Variants in GSTM3 observed in about 807,000 individuals in gnomAD.
GSTM3 encodes glutathione S-transferase mu 3, also known as GST class-mu 3.
Under a neutral mutation model 36.1 loss-of-function variants are expected in GSTM3, and 34 were observed. That is an observed-to-expected ratio of 0.94 (90% confidence interval 0.72 to 1.25). The LOEUF (loss-of-function observed/expected upper bound fraction) is 1.25, where lower values mean the gene tolerates loss of function less well. Among genes scored for constraint, GSTM3 ranks in the 50% most tolerant of loss-of-function variants. The pLI is 0.00. For missense variants in GSTM3, 266 were observed against 281.6 expected (o/e 0.94, Z 0.40); for synonymous variants, 102 against 99.5 (o/e 1.03, Z -0.15).
rs1476354080 is a variant in GSTM3 at position 109,735,056 on chromosome 1, C to A, written c.*2015G>T. 1 of 152,246 alleles carries A rather than the reference C, an allele frequency of 6.6e-6. No individual in the cohort carries two copies. The highest frequency in any genetic ancestry group is 2.1e-4 in the South Asian group (1 of 4,836). The allele number at this position is 152,246 out of a possible 1,614,324, so 9.4% of individuals were successfully genotyped here. ...TCTTAGTTAGAAAAGCAAGTCTTAG[C>A]CTTAACTTGGAAATGCCCTTTAACT... On this transcript the variant is annotated 3_prime_UTR_variant, in exon 9 of 9. Transcript: ENST00000361066.
At chr1:109,739,376 G>A (rs1649300656) in intron 4 of GSTM3, 53 bp downstream of exon 4, 5 of 1,228,694 alleles carry the variant, frequency 4.1e-6, no homozygotes, top group African/African-American at 3.0e-5. Flanking sequence ...GGCAAGGATG[G>A]ATATACTTGA....
At position 109,737,506 on chromosome 1, in the gene GSTM3, T is replaced by C; in HGVS notation, c.530A>G (p.Lys177Arg). The C allele has an allele frequency of 6.2e-7, 1 of 1,613,742 alleles. No individual in the cohort carries two copies. The highest frequency in any genetic ancestry group is 8.5e-7 in the Non-Finnish European group (1 of 1,179,768). ...ILDQNRIFDP[K>R]CLDEFPNLKA... ...CAGGTTTGGGAACTCATCCAGGCAC[T>C]TGGGGTCAAATATACGGTTCTGATC... Residue 177 changes from lysine to arginine, a missense_variant, in exon 8 of 9, where the codon AAG becomes AGG. Physicochemically the swap from Lys to Arg is conservative, Grantham distance 26. Coordinates refer to ENST00000361066, the MANE Select transcript of GSTM3 (RefSeq NM_000849.5).
In GSTM3 at chr1:109,735,770, GTA is replaced by G. The variant is rs1649183631; in HGVS notation, c.*1299_*1300del. ...CAATTCTCCTGCCTCAGCCTCCTGA[GTA>G]GCTGGGACTATAGGCACATGCCACC... On this transcript the variant is annotated 3_prime_UTR_variant, in exon 9 of 9. Coordinates refer to ENST00000361066, the MANE Select transcript of GSTM3 (RefSeq NM_000849.5). The G allele has an allele frequency of 6.6e-6, 1 of 150,902 alleles. No individual in the cohort carries two copies. The highest frequency in any genetic ancestry group is 1.5e-5 in the Non-Finnish European group (1 of 67,940). The allele number at this position is 150,902 out of a possible 1,614,324, so 9.3% of individuals were successfully genotyped here.
Position 109,736,969 on chromosome 1 carries a change from C to T in GSTM3, c.*102G>A. 1.4e-6 allele frequency: 1 copy of T among 691,312 alleles called. No homozygotes were observed. Among genetic ancestry groups the T allele is most frequent in the Non-Finnish European group, 2.6e-6 (1 of 386,652 alleles). 42.8% of individuals were successfully genotyped at this position (691,312 alleles called of 1,614,324 possible). On this transcript the variant is annotated 3_prime_UTR_variant, in exon 9 of 9. Transcript: ENST00000361066. ...TATACCCAAGAGAAACTCAGCTGGA[C>T]ACCAGTAACATAAGTGCTATTCATT... is the stretch of plus-strand genomic sequence containing the variant.
rs1203733190 is a variant in GSTM3 at position 109,737,498 on chromosome 1, C to A, written c.538G>T (p.Asp180Tyr). 4 of 1,613,276 alleles carry A rather than the reference C, an allele frequency of 2.5e-6. No individual in the cohort carries two copies. ...QNRIFDPKCLDEFPNLKAFMC... is the reference protein window; with the variant it reads ...QNRIFDPKCLYEFPNLKAFMC... ...AAAGCCTTCAGGTTTGGGAACTCAT[C>A]CAGGCACTTGGGGTCAAATATACGG... Residue 180 changes from aspartate to tyrosine, a missense_variant, in exon 8 of 9, where the codon GAT becomes TAT. Asp to Tyr is a radical substitution (Grantham distance 160). Coordinates refer to ENST00000361066, the MANE Select transcript of GSTM3 (RefSeq NM_000849.5).
Position 109,739,821 on chromosome 1 carries a change from G to A in GSTM3, c.124+12C>T, listed in dbSNP as rs1272846514. 1 of 1,541,680 alleles carries A rather than the reference G, an allele frequency of 6.5e-7. No individual in the cohort carries two copies. Among genetic ancestry groups the A allele is most frequent in the East Asian group, 2.4e-5 (1 of 40,874 alleles). ...GCCAGCTTGGCTGCACGGGCACGCG[G>A]AGCGGCATTACCTTCCCCGCACGTG... On this transcript the variant is annotated intron_variant, in intron 3 of 8. Coordinates refer to ENST00000361066, the MANE Select transcript of GSTM3 (RefSeq NM_000849.5).
chr1:109,735,615 GTA>G lies in GSTM3; in HGVS notation c.*1454_*1455del, dbSNP rs897731276. 7.3e-6 allele frequency: 1 copy of G among 136,480 alleles called. No homozygotes were observed. Among genetic ancestry groups the G allele is most frequent in the African/African-American group, 2.7e-5 (1 of 36,882 alleles). The allele number at this position is 136,480 out of a possible 1,614,324, so 8.5% of individuals were successfully genotyped here. On this transcript the variant is annotated 3_prime_UTR_variant, in exon 9 of 9. Transcript: ENST00000361066. ...AGACAATGCCACAGTGAACATCTTA[GTA>G]TATGTCTCTTTGAATGTTTTTTTTT...
In GSTM3 at chr1:109,738,182, G is replaced by T. The variant is rs771124053; in HGVS notation, c.281C>A (p.Thr94Asn). The T allele has an allele frequency of 1.2e-6, 2 of 1,612,546 alleles. No homozygotes were observed. The highest frequency in any genetic ancestry group is 2.2e-5 in the East Asian group (1 of 44,880). Residue 94 changes from threonine to asparagine, a missense_variant, in exon 6 of 9, where the codon ACT (threonine) becomes AAT (asparagine). By Grantham distance (65) the Thr-to-Asn change is moderately conservative (BLOSUM62 0). Coordinates refer to ENST00000361066, the MANE Select transcript of GSTM3 (RefSeq NM_000849.5). ...IARKHNMCGE[T>N]EEEKIRVDII... ...GTCCACTCGAATCTTTTCTTCTTCA[G>T]TCTCACCACCTGTAGGCCAAATGAC... is the stretch of plus-strand genomic sequence containing the variant.
In GSTM3 at chr1:109,739,917, G is replaced by A. The variant is rs1649316977; in HGVS notation, c.49-9C>T. 6.5e-7 allele frequency: 1 copy of A among 1,549,974 alleles called. No individual in the cohort carries two copies. On this transcript the variant is annotated splice_polypyrimidine_tract_variant and intron_variant, in intron 2 of 8. Transcript: ENST00000361066. Reference sequence around the variant, plus strand: ...CGGATGGCGTGCGCCAGCTGGGGAAGACAGCGGTTCAGCGACTGCGCAGCT... The same window carrying A: ...CGGATGGCGTGCGCCAGCTGGGGAAAACAGCGGTTCAGCGACTGCGCAGCT...
chr1:109,737,630 A>G, intron 7 of GSTM3, 26 bp downstream of exon 7: 1 of 1,515,984 alleles, frequency 6.6e-7, no homozygotes, highest in Non-Finnish European at 9.2e-7. Flanking sequence ...ATAGAGAAGT[A>G]TCCTCTTCTT....
At chr1:109,738,237 C>G (rs1306852315) in intron 5 of GSTM3, 46 bp from the exon 6 acceptor site, 3 of 1,598,860 alleles carry the variant, frequency 1.9e-6, no homozygotes, top group Non-Finnish European at 2.6e-6. Context: ...CATCCACTCT[C>G]AGACAAACTA....
rs1295253866 is a variant in GSTM3, at chr1:109,740,493, C to T, written c.-206G>A. On this transcript the variant is annotated 5_prime_UTR_variant, in exon 2 of 9. Coordinates refer to ENST00000361066, the MANE Select transcript of GSTM3 (RefSeq NM_000849.5). ...GGTTCAGGGCCTGGCGACCCCGAGGCGGGACCCGGGCAGGAGTGCTGCAGG... is the reference window on the plus strand; with the variant it reads ...GGTTCAGGGCCTGGCGACCCCGAGGTGGGACCCGGGCAGGAGTGCTGCAGG... 3 of 589,660 alleles carry T rather than the reference C, an allele frequency of 5.1e-6. No homozygotes were observed. The highest frequency in any genetic ancestry group is 9.0e-6 in the Non-Finnish European group (3 of 333,992). 36.5% of individuals were successfully genotyped at this position (589,660 alleles called of 1,614,324 possible).
rs1044901092 is a variant in GSTM3 at position 109,735,089 on chromosome 1, T to C, written c.*1982A>G. On this transcript the variant is annotated 3_prime_UTR_variant, in exon 9 of 9. Coordinates refer to ENST00000361066, the MANE Select transcript of GSTM3 (RefSeq NM_000849.5). ...TGGAAATGCCCTTTAACTTCCACCA[T>C]GGAGTCTGGGCCTTTATCCCACTTG... The C allele has an allele frequency of 1.3e-5, 2 of 152,272 alleles. No individual in the cohort carries two copies. Among genetic ancestry groups the C allele is most frequent in the African/African-American group, 2.4e-5 (1 of 41,474 alleles). The allele number at this position is 152,272 out of a possible 1,614,324, so 9.4% of individuals were successfully genotyped here.
At chr1:109,738,228 A>G in intron 5 of GSTM3, 37 bp from the exon 6 acceptor site, 1 of 1,595,668 alleles carries the variant, frequency 6.3e-7, no homozygotes, top group South Asian at 1.1e-5. Context: ...CCTTGGCATC[A>G]TCCACTCTCA....
Position 109,740,284 on chromosome 1 carries a change from A to G in GSTM3, c.4T>C (p.Ser2Pro). The G allele has an allele frequency of 6.2e-7, 1 of 1,613,430 alleles. No individual in the cohort carries two copies. The highest frequency in any genetic ancestry group is 2.2e-5 in the East Asian group (1 of 44,864). ...CCGAGAACCATAGACGACTCGCACG[A>G]CATGGTGACGGGCTTCCGAGCCTTC... M[S>P]CESSMVLGYW... The change falls in exon 2 of 9, where the codon TCG becomes CCG. Residue 2 changes from serine to proline, a missense_variant. Coordinates refer to ENST00000361066, the MANE Select transcript of GSTM3 (RefSeq NM_000849.5).
At chr1:109,739,678 A>G (rs543271053) in intron 3 of GSTM3, among the ~76,000 whole-genome samples, 155 bp downstream of exon 3, 1 of 152,202 alleles carries the variant, frequency 6.6e-6, no homozygotes, top group African/African-American at 2.4e-5. Context: ...TAAAAAGAGA[A>G]CCCCCAGTTC....
Position 109,737,656 on chromosome 1 carries a change from C to A in GSTM3, c.468G>T (p.Lys156Asn). The change falls in exon 7 of 9, where the codon AAG becomes AAT. Residue 156 changes from lysine (K) to asparagine (N), a missense_variant and splice_region_variant. Lys to Asn is a moderately conservative substitution (Grantham distance 94). Coordinates refer to ENST00000361066, the MANE Select transcript of GSTM3 (RefSeq NM_000849.5). The stretch of plus-strand genomic sequence containing the variant: ...TCCTCTTCTTTTCCCTTCTTCCTAC[C>A]TTTTCCCCGGCAAACCATGAGAATT... ...LGKFSWFAGE[K>N]LTFVDFLTYD... 1 of 1,602,124 alleles carries A rather than the reference C, an allele frequency of 6.2e-7. No homozygotes were observed. Among genetic ancestry groups the A allele is most frequent in the Non-Finnish European group, 8.5e-7 (1 of 1,170,746 alleles).
At position 109,734,695 on chromosome 1, in the gene GSTM3, A is replaced by C. The variant is rs956898354; in HGVS notation, c.*2376T>G. ...TCTGGCCAAAGGCTCCCCCATGCCCAAGATACTGGCCTGAACACCTAATCC... is the reference window on the plus strand; with the variant it reads ...TCTGGCCAAAGGCTCCCCCATGCCCCAGATACTGGCCTGAACACCTAATCC... On this transcript the variant is annotated 3_prime_UTR_variant, in exon 9 of 9. Transcript: ENST00000361066. 3.3e-5 allele frequency: 5 copies of C among 152,266 alleles called. No individual in the cohort carries two copies. Among genetic ancestry groups the C allele is most frequent in the Non-Finnish European group, 7.3e-5 (5 of 68,082 alleles). The allele number at this position is 152,266 out of a possible 1,614,324, so 9.4% of individuals were successfully genotyped here. A position where few individuals can be genotyped will look rare whatever the true frequency, so the allele number is the denominator to read the frequency against.
At position 109,740,430 on chromosome 1, in the gene GSTM3, A is replaced by T; in HGVS notation, c.-143T>A. 1.4e-6 allele frequency: 1 copy of T among 710,066 alleles called. No homozygotes were observed. The highest frequency in any genetic ancestry group is 2.4e-6 in the Non-Finnish European group (1 of 425,510). The allele number at this position is 710,066 out of a possible 1,614,324, so 44.0% of individuals were successfully genotyped here. A position where few individuals can be genotyped will look rare whatever the true frequency, so the allele number is the denominator to read the frequency against. On this transcript the variant is annotated 5_prime_UTR_variant, in exon 2 of 9. Coordinates refer to ENST00000361066, the MANE Select transcript of GSTM3 (RefSeq NM_000849.5). ...CTCCGTCCCTTGCCTCCGCGGCTCC[A>T]CAGGGCCGTGCGCAGGCGCGACTAA... is the stretch of plus-strand genomic sequence containing the variant.
Sources: gnomAD v4.1 joint callset for allele counts (sites outside exome capture counted in the v4.1 genomes callset) on GRCh38, gnomAD v4.1.1 for gene constraint, MANE v1.5 for transcripts, NCBI Gene and HGNC (gene_info 2026-07-23, HGNC 2026-07-21) for gene names.